The following RNF43 variants were observed in gnomAD, a reference collection of about 807,000 sequenced individuals.
The protein encoded by RNF43 is ring finger protein 43.
Under a neutral mutation model 78.4 loss-of-function variants are expected in RNF43, and 37 were observed. That is an observed-to-expected ratio of 0.47 (90% CI 0.36 to 0.62). RNF43 has a LOEUF of 0.62. Among genes scored for constraint, RNF43 ranks in the 20% least tolerant of loss-of-function variants. The pLI is 0.00. For synonymous variants in RNF43, 347 were observed against 395.0 expected, an observed-to-expected ratio of 0.88 and a Z score of 1.44; for missense variants, 774 against 1,007.9, an observed-to-expected ratio of 0.77 and a Z score of 3.14.
Position 58,370,943 on chromosome 17 carries a change from C to G in RNF43, c.343G>C (p.Ala115Pro), listed in dbSNP as rs201364571. Residue 115 changes from alanine to proline, a missense_variant, in exon 3 of 10, where the codon GCC becomes CCC. Ala to Pro is a conservative substitution (Grantham distance 27). Coordinates refer to ENST00000407977, the MANE Select transcript of RNF43 (RefSeq NM_017763.6). The stretch of plus-strand genomic sequence containing the variant: ...GCCAGTGACAGGCAGGGGCGGGGGG[C>G]CCGTCGAGGACTCTCCAGCTTGACG... ...SIVKLESPRRAPRPCLSLASK... is the reference protein window; with the variant it reads ...SIVKLESPRRPPRPCLSLASK... 3 of 1,607,958 alleles carry G rather than the reference C, an allele frequency of 1.9e-6. No homozygotes were observed. Among genetic ancestry groups the G allele is most frequent in the Non-Finnish European group, 2.5e-6 (3 of 1,176,544 alleles).
At position 58,415,942 on chromosome 17, in the gene RNF43, T is replaced by A. The variant is rs1043759647; in HGVS notation, c.-365A>T. 3.0e-6 allele frequency: 1 copy of A among 332,614 alleles called. No individual in the cohort carries two copies. The highest frequency in any genetic ancestry group is 2.0e-5 in the African/African-American group (1 of 48,952). 20.6% of individuals were successfully genotyped at this position (332,614 alleles called of 1,614,324 possible). ...CAGATCACTTGGCATTGCTCTTCCA[T>A]ATGCATCAAGTTGCCAGGCACTAAA... On this transcript the variant is annotated 5_prime_UTR_variant, in exon 2 of 10. The change abolishes an upstream ATG in the 5' untranslated region. Coordinates refer to ENST00000407977, the MANE Select transcript of RNF43 (RefSeq NM_017763.6).
intron 3 of RNF43, among the ~76,000 whole-genome samples, chr17:58,368,274 G>A (rs1464674474): frequency 2.0e-5 from 3 of 152,218 alleles, no homozygotes; most frequent in East Asian, 1.9e-4. Context: ...TCGGCTGGGT[G>A]CAGTGGCTCA....
Position 58,360,069 on chromosome 17 carries a change from G to A in RNF43, c.952+80C>T. 9.3e-7 allele frequency: 1 copy of A among 1,074,074 alleles called. No individual in the cohort carries two copies. Among genetic ancestry groups the A allele is most frequent in the South Asian group, 1.3e-5 (1 of 77,524 alleles). 66.5% of individuals were successfully genotyped at this position (1,074,074 alleles called of 1,614,324 possible). The stretch of plus-strand genomic sequence containing the variant: ...GTTCTGCTTTCTCCCCAGCTTCAAG[G>A]CTGCAACCCTTTCCCAAAGGGAAGC... On this transcript the variant is annotated intron_variant, in intron 8 of 9. Coordinates refer to ENST00000407977, the MANE Select transcript of RNF43 (RefSeq NM_017763.6). This position sits in a 1 kb window ranked among gnomAD's most constrained non-coding sequence, Gnocchi z 4.3.
chr17:58,398,920 A>G (rs560529421), intron 2 of RNF43, among the ~76,000 whole-genome samples: 11 of 152,340 alleles, frequency 7.2e-5, no homozygotes, highest in African/African-American at 2.6e-4. Context: ...TTTGGGAAGA[A>G]AACAGTTTTC....
chr17:58,382,299 A>C (rs1293943741), intron 2 of RNF43, among the ~76,000 whole-genome samples: 1 of 152,252 alleles, frequency 6.6e-6, no homozygotes, highest in African/African-American at 2.4e-5. Flanking sequence ...ACATCATGCC[A>C]TGCACACAGT....
At chr17:58,401,132 C>T (rs1175718191) in intron 2 of RNF43, among the ~76,000 whole-genome samples, 1 of 152,182 alleles carries the variant, frequency 6.6e-6, no homozygotes, top group Non-Finnish European at 1.5e-5. Context: ...TTCATGCTCA[C>T]TAGATGCAGC....
intron 2 of RNF43, among the ~76,000 whole-genome samples, chr17:58,402,121 C>T (rs1213758039): frequency 6.6e-6 from 1 of 152,156 alleles, no homozygotes; most frequent in East Asian, 1.9e-4. Context: ...GGTTTGTCTC[C>T]AGGGCAAGTC....
Position 58,357,282 on chromosome 17 carries a change from G to A in RNF43, c.2308+186C>T. Reference sequence around the variant, plus strand: ...CCAACTAAAGGGGTAGCACCTGGCAGAGGTGGGGTGTTCCTGCACTCTAGC... The same window carrying A: ...CCAACTAAAGGGGTAGCACCTGGCAAAGGTGGGGTGTTCCTGCACTCTAGC... On this transcript the variant is annotated intron_variant, in intron 9 of 9. Transcript: ENST00000407977. This position sits in a 1 kb window ranked among gnomAD's most constrained non-coding sequence, Gnocchi z 4.5. The A allele has an allele frequency of 1.3e-6, 1 of 783,502 alleles. No individual in the cohort carries two copies. The allele number at this position is 783,502 out of a possible 1,614,324, so 48.5% of individuals were successfully genotyped here.
chr17:58,383,670 T>A (rs769170574), intron 2 of RNF43, among the ~76,000 whole-genome samples: 3 of 152,034 alleles, frequency 2.0e-5, no homozygotes, highest in Non-Finnish European at 2.9e-5. Context: ...CAGGCTGGAG[T>A]GCAATGGCGT....
intron 2 of RNF43, among the ~76,000 whole-genome samples, chr17:58,383,179 T>C (rs1361027978): frequency 6.6e-6 from 1 of 152,196 alleles, no homozygotes; most frequent in Non-Finnish European, 1.5e-5. Flanking sequence ...TATTCCATAT[T>C]TTTTCTGAGT....
chr17:58,357,301 C>G lies in RNF43; in HGVS notation c.2308+167G>C, dbSNP rs769552196. On this transcript the variant is annotated intron_variant, in intron 9 of 9. Transcript: ENST00000407977. The surrounding 1 kb of genome is among the most constrained non-coding windows in gnomAD (Gnocchi z 4.5). Reference sequence around the variant, plus strand: ...CTGGCAGAGGTGGGGTGTTCCTGCACTCTAGCCAGCATGATACGCTGTCCC... The same window carrying G: ...CTGGCAGAGGTGGGGTGTTCCTGCAGTCTAGCCAGCATGATACGCTGTCCC... 1.1e-6 allele frequency: 1 copy of G among 894,630 alleles called. No homozygotes were observed. The highest frequency in any genetic ancestry group is 2.6e-5 in the East Asian group (1 of 38,134). 55.4% of individuals were successfully genotyped at this position (894,630 alleles called of 1,614,324 possible).
At chr17:58,405,232 C>G (rs1209717588) in intron 2 of RNF43, among the ~76,000 whole-genome samples, 1 of 151,766 alleles carries the variant, frequency 6.6e-6, no homozygotes, top group African/African-American at 2.4e-5. Context: ...TGCATGCCGC[C>G]ATGCCCAGTT....
chr17:58,388,429 CAG>C (rs1253302974), intron 2 of RNF43, among the ~76,000 whole-genome samples: 2 of 152,170 alleles, frequency 1.3e-5, no homozygotes, highest in Middle Eastern at 3.2e-3. Context: ...TGTCAAGAAA[CAG>C]AGACTCACTT....
rs2143694399 is a variant in RNF43 at position 58,415,351 on chromosome 17, G to A, written c.227C>T (p.Thr76Ile). 6.2e-7 allele frequency: 1 copy of A among 1,614,222 alleles called. No homozygotes were observed. The highest frequency in any genetic ancestry group is 8.5e-7 in the Non-Finnish European group (1 of 1,180,028). Residue 76 changes from threonine (T) to isoleucine (I), a missense_variant, in exon 2 of 10, where the codon ACT becomes ATT. By Grantham distance (89) the Thr-to-Ile change is moderately conservative (BLOSUM62 -1). Transcript: ENST00000407977. ...CTGCATTAATTTTCCTTCTGCTGGAGTTATTTCAGCAACACCAGCAAACAC... is the reference window on the plus strand; with the variant it reads ...CTGCATTAATTTTCCTTCTGCTGGAATTATTTCAGCAACACCAGCAAACAC... ...EGVFAGVAEI[T>I]PAEGKLMQSH...
intron 2 of RNF43, among the ~76,000 whole-genome samples, chr17:58,375,684 G>C (rs936949053): frequency 6.6e-6 from 1 of 152,212 alleles, no homozygotes; most frequent in African/African-American, 2.4e-5. Context: ...AATTAGAGAG[G>C]GGGTAGTAGA....
rs771584014 is a variant in RNF43, at chr17:58,362,685, CG to C, written c.583-38del. On this transcript the variant is annotated intron_variant, in intron 5 of 9. Transcript: ENST00000407977. ...GCAGAGAGGGAAAGGGTCATACTTCCGGGATGAGCTGGGTCAATTCGGGAGG... is the reference window on the plus strand; with the variant it reads ...GCAGAGAGGGAAAGGGTCATACTTCCGGATGAGCTGGGTCAATTCGGGAGG... The C allele has an allele frequency of 2.2e-5, 34 of 1,518,480 alleles. No individual in the cohort carries two copies. The Admixed American group carries it at 4.8e-4, about 22-fold the overall frequency. 94.1% of individuals were successfully genotyped at this position (1,518,480 alleles called of 1,614,324 possible).
chr17:58,354,518 A>G lies in RNF43; in HGVS notation c.*425T>C, dbSNP rs116479871. The G allele has an allele frequency of 4.8e-3, 1,445 of 301,812 alleles. 20 individuals are homozygous for G. The highest frequency in any genetic ancestry group is 0.028 in the African/African-American group (1,370 of 48,854). 18.7% of individuals were successfully genotyped at this position (301,812 alleles called of 1,614,324 possible). ...CCAAGGAGGGAGGTGATAAGGTGTC[A>G]TGCGTTCTGCTGAACCCACTGGCTG... On this transcript the variant is annotated 3_prime_UTR_variant, in exon 10 of 10. Coordinates refer to ENST00000407977, the MANE Select transcript of RNF43 (RefSeq NM_017763.6).
chr17:58,352,575 G>A (rs2143347540), downstream of RNF43: 1 of 216,222 alleles, frequency 4.6e-6, no homozygotes, highest in South Asian at 1.8e-4. Context: ...TTGTCTCCCC[G>A]TTTTAGAAGC....
downstream of RNF43, chr17:58,352,552 G>GT (rs368279146): frequency 1.6e-3 from 350 of 217,056 alleles, no homozygotes; most frequent in Middle Eastern, 4.2e-3. Flanking sequence ...CCCGAAGTTT[G>GT]TTTTTTTTTG....
Sources: gnomAD v4.1 joint callset for allele counts (sites outside exome capture counted in the v4.1 genomes callset) on GRCh38, gnomAD v4.1.1 for gene constraint, Gnocchi (gnomAD v3.1) non-coding constraint, MANE v1.5 for transcripts, NCBI Gene and HGNC (gene_info 2026-07-23, HGNC 2026-07-21) for gene names.